ANKDD1B: variants seen among roughly 807,000 people sequenced by gnomAD.
ANKDD1B encodes ankyrin repeat and death domain-containing protein 1B.
In ANKDD1B, 57 loss-of-function variants were observed where a neutral mutation model predicts 59.7. The ratio of observed to expected loss-of-function variants is 0.95; its 90% CI spans 0.77 to 1.19. The LOEUF (loss-of-function observed/expected upper bound fraction) is 1.19. Among genes scored for constraint, ANKDD1B ranks in the 50% most tolerant of loss-of-function variants. The probability of loss-of-function intolerance (pLI) is 0.00; values close to 1 mark genes in which losing one functional copy is unlikely to be tolerated. For missense variants in ANKDD1B, 602 were observed against 641.9 expected, an observed-to-expected ratio of 0.94 and a Z score of 0.67; for synonymous variants, 216 against 239.5, an observed-to-expected ratio of 0.90 and a Z score of 0.91.
At chr5:75,664,528 T>A (rs1775257473) in intron 11 of ANKDD1B, among the ~76,000 whole-genome samples, 2 of 152,300 alleles carry the variant, frequency 1.3e-5, no homozygotes, top group South Asian at 4.1e-4. Context: ...TCTTTTCCTA[T>A]CCTCAGGCTC....
chr5:75,630,090 C>T (rs1774108020), intron 5 of ANKDD1B, among the ~76,000 whole-genome samples: 1 of 152,166 alleles, frequency 6.6e-6, no homozygotes, highest in East Asian at 1.9e-4. Flanking sequence ...ACACCAAGCT[C>T]CACCATCCTC....
intron 5 of ANKDD1B, among the ~76,000 whole-genome samples, chr5:75,631,177 A>G (rs993687410): frequency 1.3e-5 from 2 of 152,220 alleles, no homozygotes; most frequent in Non-Finnish European, 2.9e-5. Context: ...AAAGGTAAAT[A>G]TAAAGGCAAA....
At chr5:75,648,838 C>T (rs1293059214) in intron 7 of ANKDD1B, among the ~76,000 whole-genome samples, 1 of 152,182 alleles carries the variant, frequency 6.6e-6, no homozygotes, top group Non-Finnish European at 1.5e-5. Flanking sequence ...TAGGTGATTG[C>T]TGTGTTTGAT....
At chr5:75,656,180 G>A (rs908771598) in intron 9 of ANKDD1B, 53 bp downstream of exon 9, 52 of 869,916 alleles carry the variant, frequency 6.0e-5, no homozygotes, top group Non-Finnish European at 9.0e-5. Context: ...TTTCAACACA[G>A]TGTGTGTTTA....
chr5:75,630,138 GT>G (rs1774109500), intron 5 of ANKDD1B, among the ~76,000 whole-genome samples: 1 of 152,052 alleles, frequency 6.6e-6, no homozygotes, highest in Admixed American at 6.6e-5. Context: ...AGTAAGGGAG[GT>G]CCTATGAGAC....
chr5:75,661,396 G>GA (rs11357068), intron 10 of ANKDD1B, among the ~76,000 whole-genome samples: 20 of 36,838 alleles, frequency 5.4e-4, no homozygotes, highest in African/African-American at 7.8e-4. Context: ...AACTCCGTCT[G>GA]AAAAAAAAAA....
In ANKDD1B at chr5:75,627,456, A is replaced by C. The variant is rs529507765; in HGVS notation, c.600+1501A>C. Among the ~76,000 whole-genome samples, 3 of 152,300 alleles carry C rather than the reference A, an allele frequency of 2.0e-5. No homozygotes were observed. The East Asian group carries it at 5.8e-4, about 29-fold the overall frequency. On this transcript the variant is annotated intron_variant, in intron 5 of 13. Coordinates refer to ENST00000601380, the MANE Select transcript of ANKDD1B (RefSeq NM_001276713.2). ...CAATATTGTAATAGCCACTGCTGAG[A>C]TGCTTAAATGAGCTAATGACTATAA...
At chr5:75,620,708 A>G (rs969195143) in intron 3 of ANKDD1B, among the ~76,000 whole-genome samples, 11 of 152,224 alleles carry the variant, frequency 7.2e-5, no homozygotes, top group African/African-American at 2.4e-4. Flanking sequence ...ATAATCTGGA[A>G]TGTGGAAGAC....
intron 12 of ANKDD1B, among the ~76,000 whole-genome samples, chr5:75,668,442 A>C (rs1474968264): frequency 6.6e-6 from 1 of 152,248 alleles, no homozygotes. Flanking sequence ...GGAAAGGAAC[A>C]GAGGACTTGT....
intron 3 of ANKDD1B, among the ~76,000 whole-genome samples, chr5:75,624,191 C>G (rs1184844738): frequency 3.3e-5 from 5 of 152,172 alleles, no homozygotes; most frequent in Middle Eastern, 3.2e-3. Flanking sequence ...AAAACAGACA[C>G]TTGAGTTTGC....
At position 75,617,002 on chromosome 5, in the gene ANKDD1B, G is replaced by A. The variant is rs1057102393; in HGVS notation, c.297+95G>A. 1.3e-5 allele frequency: 8 copies of A among 605,024 alleles called. No individual in the cohort carries two copies. In the South Asian group the frequency reaches 1.6e-4, roughly 12 times the overall value. 37.5% of individuals were successfully genotyped at this position (605,024 alleles called of 1,614,324 possible). ...AATAATAATAAAAATAAAAATCATG[G>A]TGCTGGCTGAGATAAGGGAGAGCTG... On this transcript the variant is annotated intron_variant, in intron 2 of 13. Transcript: ENST00000601380.
rs941171806 is a variant in ANKDD1B, at chr5:75,659,078, A to G, written c.997-205A>G. On this transcript the variant is annotated intron_variant, in intron 9 of 13. Coordinates refer to ENST00000601380, the MANE Select transcript of ANKDD1B (RefSeq NM_001276713.2). ...TGCCTGTTATTCCAATATATAGATT[A>G]TCATAATTTATCTAGTGAGTCTCCT... 5.0e-4 allele frequency among the ~76,000 whole-genome samples: 74 copies of G among 149,146 alleles called. 1 individual carries two copies. Among genetic ancestry groups the G allele is most frequent in the Non-Finnish European group, 1.3e-4 (9 of 67,350 alleles).
At chr5:75,648,395 C>T (rs1774717370) in intron 7 of ANKDD1B, among the ~76,000 whole-genome samples, 1 of 152,010 alleles carries the variant, frequency 6.6e-6, no homozygotes, top group Non-Finnish European at 1.5e-5. Context: ...CCTTCAAGTT[C>T]CTGGGAAGGC....
At chr5:75,623,942 G>C (rs1773922558) in intron 3 of ANKDD1B, among the ~76,000 whole-genome samples, 1 of 152,162 alleles carries the variant, frequency 6.6e-6, no homozygotes, top group Admixed American at 6.5e-5. Flanking sequence ...ATACATTAAT[G>C]CAACTTGGGG....
At chr5:75,648,228 T>G (rs1185226986) in intron 7 of ANKDD1B, among the ~76,000 whole-genome samples, 9 of 93,468 alleles carry the variant, frequency 9.6e-5, no homozygotes, top group Non-Finnish European at 1.8e-4. Context: ...AATGTGCACA[T>G]GTACCCTAAA....
chr5:75,637,258 AAAAAAAAAAAAAAAAG>A (rs1774341271), intron 7 of ANKDD1B, among the ~76,000 whole-genome samples: 1 of 145,268 alleles, frequency 6.9e-6, no homozygotes, highest in African/African-American at 2.6e-5. Context: ...AAAAAAAAAA[AAAAAAAAAAAAAAAAG>A]AAAGAAAAAA....
At chr5:75,656,664 G>T (rs564577446) in intron 9 of ANKDD1B, among the ~76,000 whole-genome samples, 1 of 152,222 alleles carries the variant, frequency 6.6e-6, no homozygotes, top group Non-Finnish European at 1.5e-5. Flanking sequence ...TGCCGCAACG[G>T]AATGATGAAG....
At chr5:75,663,143 T>C (rs1392703885) in intron 10 of ANKDD1B, among the ~76,000 whole-genome samples, 1 of 152,186 alleles carries the variant, frequency 6.6e-6, no homozygotes, top group Non-Finnish European at 1.5e-5. Flanking sequence ...GTCACATAAC[T>C]AACTGCAAAA....
At position 75,611,544 on chromosome 5, in the gene ANKDD1B, C is replaced by A; in HGVS notation, c.-91C>A. 9.1e-7 allele frequency: 1 copy of A among 1,096,612 alleles called. No homozygotes were observed. Among genetic ancestry groups the A allele is most frequent in the Non-Finnish European group, 1.2e-6 (1 of 865,838 alleles). The allele number at this position is 1,096,612 out of a possible 1,614,324, so 67.9% of individuals were successfully genotyped here. ...TGCGTCCAGCCCCCGCGCCCTGGGC[C>A]TGCCTGGGTCTGGATCTGTGTCCGA... On this transcript the variant is annotated 5_prime_UTR_variant, in exon 1 of 14. The change creates a new upstream start codon in the 5' untranslated region. Transcript: ENST00000601380.
Sources: allele counts gnomAD v4.1 joint callset (sites outside exome capture counted in the v4.1 genomes callset), GRCh38; gene constraint gnomAD v4.1.1; transcripts MANE v1.5; gene names NCBI Gene and HGNC (gene_info 2026-07-23, HGNC 2026-07-21).